Variants in PAPPA2 observed in about 807,000 individuals in gnomAD.
PAPPA2 encodes pappalysin 2.
A neutral mutation model predicts 176.4 loss-of-function variants in PAPPA2; 86 were observed. That is an observed-to-expected ratio of 0.49 (90% confidence interval 0.41 to 0.58). The LOEUF (loss-of-function observed/expected upper bound fraction) is 0.58, where lower values mean the gene tolerates loss of function less well. Ranked by LOEUF, PAPPA2 falls within the 20% of genes least tolerant of loss-of-function variation. The pLI, the probability that PAPPA2 is intolerant of heterozygous loss-of-function variation, is 0.00. For synonymous variants in PAPPA2, 809 were observed against 852.2 expected, an observed-to-expected ratio of 0.95 and a Z score of 0.88; for missense variants, 2,073 against 2,256.9, an observed-to-expected ratio of 0.92 and a Z score of 1.65.
intron 1 of PAPPA2, among the ~76,000 whole-genome samples, chr1:176,504,359 T>G (rs1442432568): frequency 6.6e-6 from 1 of 152,168 alleles, no homozygotes; most frequent in Non-Finnish European, 1.5e-5. Context: ...TTTTAGAATA[T>G]TTCTATGCTA....
chr1:176,642,532 A>G (rs1223743652), intron 3 of PAPPA2, among the ~76,000 whole-genome samples: 3 of 151,796 alleles, frequency 2.0e-5, no homozygotes, highest in Admixed American at 6.6e-5. Context: ...TATAAGAAAG[A>G]CCAGAGTTTG....
chr1:176,604,976 C>A (rs1469005009), intron 3 of PAPPA2, among the ~76,000 whole-genome samples: 20 of 151,954 alleles, frequency 1.3e-4, no homozygotes, highest in Admixed American at 1.2e-3. Context: ...GGTAGCGTTG[C>A]CCCATTTAGA....
At chr1:176,821,124 A>T (rs543154485) in intron 21 of PAPPA2, among the ~76,000 whole-genome samples, 2 of 152,310 alleles carry the variant, frequency 1.3e-5, no homozygotes, top group East Asian at 3.9e-4. Flanking sequence ...AGGTCCATTT[A>T]TGTATTTCTT....
At chr1:176,649,330 C>T (rs1338557767) in intron 3 of PAPPA2, among the ~76,000 whole-genome samples, 3 of 150,378 alleles carry the variant, frequency 2.0e-5, no homozygotes, top group South Asian at 2.1e-4. Flanking sequence ...TTCTCTTTTT[C>T]TTAGCTATTC....
At chr1:176,644,606 T>C (rs937228837) in intron 3 of PAPPA2, among the ~76,000 whole-genome samples, 1 of 151,776 alleles carries the variant, frequency 6.6e-6, no homozygotes, top group African/African-American at 2.4e-5. Flanking sequence ...ATATGCACCA[T>C]AGATAGAGAA....
At chr1:176,630,965 G>A (rs978678598) in intron 3 of PAPPA2, among the ~76,000 whole-genome samples, 3 of 152,208 alleles carry the variant, frequency 2.0e-5, no homozygotes, top group African/African-American at 7.2e-5. Context: ...CAGCAAATTG[G>A]TGAGGGTTTA....
At chr1:176,687,665 G>T (rs1377419299) in intron 4 of PAPPA2, among the ~76,000 whole-genome samples, 1 of 152,082 alleles carries the variant, frequency 6.6e-6, no homozygotes, top group African/African-American at 2.4e-5. Context: ...ACCTGGGCCT[G>T]TCTGGCCATA....
intron 1 of PAPPA2, among the ~76,000 whole-genome samples, chr1:176,546,321 C>A (rs550119190): frequency 6.6e-4 from 101 of 152,252 alleles, no homozygotes; most frequent in African/African-American, 2.1e-3. Context: ...GGTGGTGTTA[C>A]TTTATTTTCT....
intron 1 of PAPPA2, among the ~76,000 whole-genome samples, chr1:176,546,197 C>T (rs1650626958): frequency 6.6e-6 from 1 of 152,210 alleles, no homozygotes; most frequent in South Asian, 2.1e-4. Flanking sequence ...AGAAACACTG[C>T]TCTAAAACCT....
chr1:176,693,004 T>A (rs184626896), intron 6 of PAPPA2, among the ~76,000 whole-genome samples: 1 of 152,324 alleles, frequency 6.6e-6, no homozygotes. Context: ...CTAACTTTCA[T>A]TTGTCCTTTG....
intron 5 of PAPPA2, chr1:176,690,985 C>T (rs1660097510): frequency 1.0e-6 from 1 of 985,116 alleles, no homozygotes; most frequent in African/African-American, 1.8e-5. Flanking sequence ...CTGCCTACCA[C>T]CCTTTCCCCA....
intron 3 of PAPPA2, among the ~76,000 whole-genome samples, chr1:176,625,638 C>G (rs191736668): frequency 9.7e-4 from 148 of 152,270 alleles, no homozygotes; most frequent in Non-Finnish European, 1.9e-3. Context: ...ACTGGCATCC[C>G]ATACTGAAAA....
At chr1:176,532,134 G>A (rs1649847257) in intron 1 of PAPPA2, among the ~76,000 whole-genome samples, 1 of 152,176 alleles carries the variant, frequency 6.6e-6, no homozygotes, top group South Asian at 2.1e-4. Flanking sequence ...CATTTGCCGG[G>A]TTTAATAGCC....
intron 3 of PAPPA2, among the ~76,000 whole-genome samples, chr1:176,604,593 T>A (rs1654513159): frequency 1.3e-5 from 2 of 152,176 alleles, no homozygotes; most frequent in Admixed American, 1.3e-4. Flanking sequence ...GTTGTGCAGT[T>A]AAAACAAAGA....
chr1:176,817,263 A>G (rs1315734630), intron 21 of PAPPA2, among the ~76,000 whole-genome samples: 1 of 152,150 alleles, frequency 6.6e-6, no homozygotes, highest in Non-Finnish European at 1.5e-5. Flanking sequence ...AGAAAATACT[A>G]TGAGCACAGG....
At chr1:176,648,995 A>C (rs903423363) in intron 3 of PAPPA2, among the ~76,000 whole-genome samples, 1 of 151,408 alleles carries the variant, frequency 6.6e-6, no homozygotes, top group African/African-American at 2.4e-5. Context: ...TTGAAGAGTT[A>C]TTTGAGTAGA....
At chr1:176,790,039 A>C (rs1181452424) in intron 18 of PAPPA2, 62 bp downstream of exon 18, 1 of 1,542,922 alleles carries the variant, frequency 6.5e-7, no homozygotes, top group Non-Finnish European at 8.8e-7. Flanking sequence ...TGCCCAATCC[A>C]AGAAATTTGA....
rs1384425938 is a variant in PAPPA2, at chr1:176,605,242, A to G, written c.1991+9647A>G. 4.6e-5 allele frequency among the ~76,000 whole-genome samples: 7 copies of G among 152,360 alleles called. No homozygotes were observed. In the East Asian group the frequency reaches 1.4e-3, roughly 29 times the overall value. On this transcript the variant is annotated intron_variant, in intron 3 of 22. Transcript: ENST00000367662. ...AAAAAGACCAGACTCCAAAAAAGGA[A>G]TACAAGACCTCTTGGACATGATGTT... is the stretch of plus-strand genomic sequence containing the variant.
rs752816741 is a variant in PAPPA2, at chr1:176,556,565, C to T, written c.243C>T (p.Pro81=). ...YPSRAGNYLR[P]YPVGEQEIHH... ...GCAGGGCTGGGAACTACCTAAGGCC[C>T]TACCCCGTGGGGGAGCAAGAAATCC... The change falls in exon 2 of 23, where the codon CCC becomes CCT. Residue 81 remains proline, a synonymous_variant. Coordinates refer to ENST00000367662, the MANE Select transcript of PAPPA2 (RefSeq NM_020318.3). 13 of 1,614,088 alleles carry T rather than the reference C, an allele frequency of 8.1e-6. No homozygotes were observed. The East Asian group carries it at 2.5e-4, about 30-fold the overall frequency.
Sources: allele counts gnomAD v4.1 joint callset (sites outside exome capture counted in the v4.1 genomes callset), GRCh38; gene constraint gnomAD v4.1.1; transcripts MANE v1.5; gene names NCBI Gene and HGNC (gene_info 2026-07-23, HGNC 2026-07-21).